TMEM156: variants seen among roughly 807,000 people sequenced by gnomAD.
TMEM156 encodes the protein transmembrane protein 156.
TMEM156 carries 28 observed loss-of-function variants against 30.5 expected under a neutral mutation model. The observed-to-expected ratio is 0.92, with a 90% CI of 0.68 to 1.26. TMEM156 has a LOEUF of 1.26. Ranked by LOEUF, TMEM156 falls within the 50% of genes most tolerant of loss-of-function variation. The pLI is 0.00. For missense variants in TMEM156, 351 were observed against 340.6 expected, an observed-to-expected ratio of 1.03 and a Z score of -0.24; for synonymous variants, 137 against 119.9, an observed-to-expected ratio of 1.14 and a Z score of -0.93.
intron 3 of TMEM156, among the ~76,000 whole-genome samples, chr4:38,992,757 TA>T (rs1296855762): frequency 5.5e-4 from 36 of 65,502 alleles, no homozygotes; most frequent in Non-Finnish European, 6.1e-4. Flanking sequence ...ATTATATATA[TA>T]TATATTTTTT....
intron 2 of TMEM156, among the ~76,000 whole-genome samples, chr4:38,994,268 G>C (rs1443823175): frequency 3.9e-5 from 6 of 152,088 alleles, no homozygotes; most frequent in Admixed American, 2.0e-4. Context: ...GGGACTACAG[G>C]TGTATGCCAC....
intron 4 of TMEM156, among the ~76,000 whole-genome samples, chr4:38,988,149 A>G (rs1712134679): frequency 6.6e-6 from 1 of 152,120 alleles, no homozygotes. Context: ...CAAAAATCTG[A>G]TACCCCCATG....
At chr4:39,020,516 G>T (rs2110052841) in intron 1 of TMEM156, among the ~76,000 whole-genome samples, 1 of 152,152 alleles carries the variant, frequency 6.6e-6, no homozygotes, top group South Asian at 2.1e-4. Context: ...GACTACAGGT[G>T]CATGTCATTG....
chr4:39,031,420 C>T (rs1560391180), intron 1 of TMEM156, among the ~76,000 whole-genome samples: 1 of 152,164 alleles, frequency 6.6e-6, no homozygotes, highest in Non-Finnish European at 1.5e-5. Context: ...GTTTAAATTT[C>T]CACTCACCTT....
intron 5 of TMEM156, among the ~76,000 whole-genome samples, chr4:38,985,655 T>C (rs1209895857): frequency 1.3e-5 from 2 of 152,180 alleles, no homozygotes; most frequent in African/African-American, 4.8e-5. Context: ...TACAAGGAGC[T>C]TTGGTAACAG....
At chr4:39,030,154 G>A (rs1416095462) in intron 1 of TMEM156, among the ~76,000 whole-genome samples, 1 of 148,300 alleles carries the variant, frequency 6.7e-6, no homozygotes, top group African/African-American at 2.5e-5. Flanking sequence ...AGTCAGCCTA[G>A]GCAACACAGC....
At chr4:38,996,587 G>T (rs149796057) in intron 2 of TMEM156, among the ~76,000 whole-genome samples, 272 of 150,120 alleles carry the variant, frequency 1.8e-3, no homozygotes, top group African/African-American at 6.2e-3. Context: ...GAAAAGAAAA[G>T]AAAAAAAAAC....
intron 1 of TMEM156, among the ~76,000 whole-genome samples, chr4:39,016,804 T>C (rs987429592): frequency 3.9e-5 from 6 of 152,198 alleles, no homozygotes; most frequent in African/African-American, 1.4e-4. Flanking sequence ...TCTGGTATTG[T>C]ATTAGTCTAT....
Position 38,990,909 on chromosome 4 carries a change from C to G in TMEM156, c.620-1939G>C, listed in dbSNP as rs183423699. Reference sequence around the variant, plus strand: ...AGTGCGGTGGTGCGATCTCGGCTCACTGCAACCTCCACCTCCCGGGTTCAA... The same window carrying G: ...AGTGCGGTGGTGCGATCTCGGCTCAGTGCAACCTCCACCTCCCGGGTTCAA... On this transcript the variant is annotated intron_variant, in intron 3 of 6. Coordinates refer to ENST00000381938, the MANE Select transcript of TMEM156 (RefSeq NM_024943.3). Among the ~76,000 whole-genome samples the G allele has an allele frequency of 9.7e-3, 1,336 of 137,500 alleles. 15 individuals carry two copies. The highest frequency in any genetic ancestry group is 0.034 in the African/African-American group (1,281 of 37,300). 90.2% of individuals were successfully genotyped at this position (137,500 alleles called of 152,430 possible). A position where few individuals can be genotyped will look rare whatever the true frequency, so the allele number is the denominator to read the frequency against.
chr4:39,010,162 A>C (rs998631071), intron 1 of TMEM156, among the ~76,000 whole-genome samples: 1 of 152,164 alleles, frequency 6.6e-6, no homozygotes, highest in Admixed American at 6.5e-5. Context: ...AAAACATGAA[A>C]TAAAACACCT....
At position 38,991,457 on chromosome 4, in the gene TMEM156, G is replaced by A. The variant is rs1653692496; in HGVS notation, c.619+2281C>T. ...GCTAGTCTCGAACTCCTGTGCTCAA[G>A]CAATACACCCACCTCAGCCTCCCAA... On this transcript the variant is annotated intron_variant, in intron 3 of 6. Coordinates refer to ENST00000381938, the MANE Select transcript of TMEM156 (RefSeq NM_024943.3). Among the ~76,000 whole-genome samples the A allele has an allele frequency of 2.6e-5, 4 of 151,874 alleles. No homozygotes were observed. In the South Asian group the frequency reaches 8.3e-4, roughly 32 times the overall value.
chr4:38,969,114 G>C (rs770567711), intron 6 of TMEM156, among the ~76,000 whole-genome samples: 1 of 152,170 alleles, frequency 6.6e-6, no homozygotes, highest in Non-Finnish European at 1.5e-5. Flanking sequence ...ATACATTTTT[G>C]TGTAATTATA....
At chr4:38,987,255 T>A (rs1021941467) in intron 4 of TMEM156, among the ~76,000 whole-genome samples, 3 of 152,256 alleles carry the variant, frequency 2.0e-5, no homozygotes, top group African/African-American at 7.2e-5. Context: ...TCTGACATTT[T>A]ACTAGCTGTG....
intron 1 of TMEM156, among the ~76,000 whole-genome samples, chr4:39,024,984 T>A (rs566635821): frequency 3.9e-4 from 59 of 152,340 alleles, no homozygotes; most frequent in African/African-American, 1.3e-3. Context: ...CCTTATGGTT[T>A]AGCTGCCTAA....
intron 1 of TMEM156, among the ~76,000 whole-genome samples, chr4:39,014,925 T>C (rs1165647659): frequency 6.6e-6 from 1 of 152,190 alleles, no homozygotes; most frequent in African/African-American, 2.4e-5. Flanking sequence ...AGGAATTGCC[T>C]GGAAAATCAT....
At chr4:39,016,006 T>C (rs1476351132) in intron 1 of TMEM156, among the ~76,000 whole-genome samples, 1 of 152,212 alleles carries the variant, frequency 6.6e-6, no homozygotes, top group Non-Finnish European at 1.5e-5. Context: ...TATGTCTTTG[T>C]CAGCAGCATG....
chr4:38,976,453 T>TCCCATAAC (rs368793857), intron 5 of TMEM156, among the ~76,000 whole-genome samples: 7 of 152,182 alleles, frequency 4.6e-5, no homozygotes, highest in African/African-American at 1.4e-4. Context: ...AGTGAATTCT[T>TCCCATAAC]CCCATAACCC....
At chr4:39,013,307 CAA>C (rs71192810) in intron 1 of TMEM156, among the ~76,000 whole-genome samples, 24 of 102,642 alleles carry the variant, frequency 2.3e-4, no homozygotes, top group African/African-American at 2.3e-4. Context: ...GAACCTGTCT[CAA>C]AAAAAAAAAA....
Position 38,971,228 on chromosome 4 carries a change from G to A in TMEM156, c.824-91C>T, listed in dbSNP as rs2109855354. ...TAATGTAGTAAGAGTAGCAAGAGAA[G>A]CATGCTCTACCTCTAGAAAGGATTT... On this transcript the variant is annotated intron_variant, in intron 5 of 6. Coordinates refer to ENST00000381938, the MANE Select transcript of TMEM156 (RefSeq NM_024943.3). 3.3e-6 allele frequency: 4 copies of A among 1,204,066 alleles called. No individual in the cohort carries two copies. In the South Asian group the frequency reaches 5.2e-5, roughly 16 times the overall value. The allele number at this position is 1,204,066 out of a possible 1,614,324, so 74.6% of individuals were successfully genotyped here.
Sources: gnomAD v4.1 joint callset for allele counts (sites outside exome capture counted in the v4.1 genomes callset) on GRCh38, gnomAD v4.1.1 for gene constraint, MANE v1.5 for transcripts, NCBI Gene and HGNC (gene_info 2026-07-23, HGNC 2026-07-21) for gene names.